Variants in PRKAR1A observed in about 807,000 individuals in gnomAD.
PRKAR1A encodes the protein cAMP-dependent protein kinase type I-alpha regulatory subunit.
Under a neutral mutation model 52.0 loss-of-function variants are expected in PRKAR1A, and 3 were observed. That is an observed-to-expected ratio of 0.06 (90% confidence interval 0.03 to 0.15). The LOEUF is 0.15. PRKAR1A is among the 10% of genes least tolerant of loss of function. The pLI is 1.00. For synonymous variants in PRKAR1A, 188 were observed against 168.4 expected (o/e 1.12, Z -0.90); for missense variants, 240 against 477.4 (o/e 0.50, Z 4.63).
chr17:68,521,056 C>G (rs1385798526), intron 2 of PRKAR1A, among the ~76,000 whole-genome samples: 2 of 152,186 alleles, frequency 1.3e-5, no homozygotes, highest in Non-Finnish European at 2.9e-5. Flanking sequence ...ATTCTCCTGC[C>G]TCTGCCTCCT....
rs35871101 is a variant in PRKAR1A at position 68,542,082 on chromosome 17, C to G, written c.974-9002C>G. On this transcript the variant is annotated intron_variant, in intron 11 of 11. Coordinates refer to the PRKAR1A transcript ENST00000585981. ...GACGGCAGGAAGGCAGAGAGGGAAC[C>G]CTCCAGCAGGTGTGGGTTGCCACAG... is the stretch of plus-strand genomic sequence containing the variant. 26 of 1,613,832 alleles carry G rather than the reference C, an allele frequency of 1.6e-5. No individual in the cohort carries two copies. The highest frequency in any genetic ancestry group is 1.9e-5 in the Non-Finnish European group (23 of 1,179,890).
rs538482317 is a variant in PRKAR1A, at chr17:68,541,110, A to G, written c.974-9974A>G. 2.3e-5 allele frequency: 25 copies of G among 1,098,876 alleles called. No individual in the cohort carries two copies. In the South Asian group the frequency reaches 3.3e-4, roughly 14 times the overall value. 68.1% of individuals were successfully genotyped at this position (1,098,876 alleles called of 1,614,324 possible). A position where few individuals can be genotyped will look rare whatever the true frequency, so the allele number is the denominator to read the frequency against. ...CTAAAATTCAGAAAGGCCCTGGGCA[A>G]GGACGCGTAAGGCTGCATATTCCGT... On this transcript the variant is annotated intron_variant, in intron 11 of 11. Transcript: ENST00000585981.
chr17:68,459,230 A>G, the PRKAR1A span, among the ~76,000 whole-genome samples: 1 of 152,194 alleles, frequency 6.6e-6, no homozygotes, highest in Non-Finnish European at 1.5e-5. Flanking sequence ...CTTTCAGATC[A>G]AAGGTGCTTC....
the PRKAR1A span, among the ~76,000 whole-genome samples, chr17:68,489,227 TATG>T: frequency 2.4e-5 from 1 of 42,052 alleles, no homozygotes; most frequent in Non-Finnish European, 3.9e-5. Context: ...TATATATATA[TATG>T]GAAAGTATAT....
chr17:68,494,552 A>G, the PRKAR1A span, among the ~76,000 whole-genome samples: 1 of 152,088 alleles, frequency 6.6e-6, no homozygotes, highest in Non-Finnish European at 1.5e-5. Context: ...AAAAATAAAT[A>G]AAATAAAATA....
chr17:68,551,060 T>C (rs936880296), intron 11 of PRKAR1A: 6 of 1,233,880 alleles, frequency 4.9e-6, no homozygotes, highest in Non-Finnish European at 6.1e-6. Flanking sequence ...GTGGCCCCTC[T>C]TGGGGCGATT....
chr17:68,523,034 A>G (rs2085667696), intron 3 of PRKAR1A, 108 bp downstream of exon 3: 1 of 1,343,582 alleles, frequency 7.4e-7, no homozygotes, highest in Non-Finnish European at 1.0e-6. Context: ...GTGGAACTTC[A>G]TCCATCCTGT....
the PRKAR1A span, among the ~76,000 whole-genome samples, chr17:68,441,336 C>T: frequency 3.9e-5 from 6 of 152,176 alleles, no homozygotes; most frequent in African/African-American, 1.2e-4. Flanking sequence ...AGGCAACAGG[C>T]GAACTCTGTA....
intron 11 of PRKAR1A, chr17:68,540,047 G>T (rs368303365): frequency 1.6e-6 from 2 of 1,225,808 alleles, no homozygotes; most frequent in South Asian, 1.2e-5. Flanking sequence ...TCCAGGGAAC[G>T]GAGGCCTGTC....
the PRKAR1A span, among the ~76,000 whole-genome samples, chr17:68,486,471 C>CTCCTTCCTTCCTTCCT: frequency 3.1e-5 from 3 of 97,536 alleles, no homozygotes; most frequent in African/African-American, 1.3e-4. Context: ...CTTTCTTTCT[C>CTCCTTCCTTCCTTCCT]TCCTTCCTTC....
In PRKAR1A at chr17:68,532,675, G is replaced by A. The variant is rs1330621458; in HGVS notation, c.*2226G>A. ...TGTATTGCTTCCTGATTACCAGTCT[G>A]ATTATACCATGTGTGCTAATATACT... On this transcript the variant is annotated 3_prime_UTR_variant, in exon 11 of 11. Transcript: ENST00000589228. 2.8e-6 allele frequency: 3 copies of A among 1,066,204 alleles called. No individual in the cohort carries two copies. The highest frequency in any genetic ancestry group is 5.3e-5 in the Admixed American group (1 of 18,754). The allele number at this position is 1,066,204 out of a possible 1,614,324, so 66.0% of individuals were successfully genotyped here. A position where few individuals can be genotyped will look rare whatever the true frequency, so the allele number is the denominator to read the frequency against.
At chr17:68,426,006 C>T in the PRKAR1A span, 14 of 1,235,042 alleles carry the variant, frequency 1.1e-5, no homozygotes, top group African/African-American at 3.0e-5. Flanking sequence ...CTCTGCCTCT[C>T]GTATGAGGCG....
rs2086017919 is a variant in PRKAR1A, at chr17:68,532,976, G to A, written c.*2527G>A. ...CTTAAAGGGTAATTGAGATGTAGCA[G>A]ATTTATTTACTTAGTCATGGAAAGA... On this transcript the variant is annotated 3_prime_UTR_variant, in exon 11 of 11. Transcript: ENST00000589228. 1 of 1,065,886 alleles carries A rather than the reference G, an allele frequency of 9.4e-7. No individual in the cohort carries two copies. The highest frequency in any genetic ancestry group is 1.1e-6 in the Non-Finnish European group (1 of 879,706). The allele number at this position is 1,065,886 out of a possible 1,614,324, so 66.0% of individuals were successfully genotyped here. A position where few individuals can be genotyped will look rare whatever the true frequency, so the allele number is the denominator to read the frequency against.
intron 2 of PRKAR1A, among the ~76,000 whole-genome samples, chr17:68,519,155 C>G (rs2085525106): frequency 6.6e-6 from 1 of 152,162 alleles, no homozygotes; most frequent in Admixed American, 6.5e-5. Flanking sequence ...TTACCCAGTT[C>G]CAAAGTTGCT....
At chr17:68,457,345 C>G in the PRKAR1A span, 1 of 1,546,682 alleles carries the variant, frequency 6.5e-7, no homozygotes. Flanking sequence ...AGCTTACGTG[C>G]AGTCCTGGTT....
chr17:68,507,414 C>T (rs1255488821), upstream of PRKAR1A, among the ~76,000 whole-genome samples: 1 of 152,182 alleles, frequency 6.6e-6, no homozygotes, highest in Non-Finnish European at 1.5e-5. Context: ...AACCAAACAC[C>T]TTATGTTCTC....
At chr17:68,465,196 T>C in the PRKAR1A span, among the ~76,000 whole-genome samples, 1 of 151,986 alleles carries the variant, frequency 6.6e-6, no homozygotes, top group African/African-American at 2.4e-5. Context: ...CCTTCCAAAG[T>C]ACTGGGATTA....
At chr17:68,426,242 T>TGGCGGG in the PRKAR1A span, 1 of 669,002 alleles carries the variant, frequency 1.5e-6, no homozygotes, top group Admixed American at 4.2e-5. Flanking sequence ...ACCTGGCGGG[T>TGGCGGG]GGGGAGCGGG....
the PRKAR1A span, among the ~76,000 whole-genome samples, chr17:68,433,779 T>TTG: frequency 1.4e-5 from 1 of 70,520 alleles, no homozygotes; most frequent in African/African-American, 4.4e-5. Flanking sequence ...TTTTTTTTTT[T>TTG]TTTTTTTTTT....
Sources: gnomAD v4.1 joint callset for allele counts (sites outside exome capture counted in the v4.1 genomes callset) on GRCh38, gnomAD v4.1.1 for gene constraint, MANE v1.5 for transcripts, NCBI Gene and HGNC (gene_info 2026-07-23, HGNC 2026-07-21) for gene names.